CRACD: variants seen among roughly 807,000 people sequenced by gnomAD.
CRACD encodes the protein capping protein inhibiting regulator of actin dynamics, also known as capping protein-inhibiting regulator of actin dynamics.
CRACD carries 56 observed loss-of-function variants against 106.8 expected under a neutral mutation model. That is an observed-to-expected ratio of 0.52 (90% CI 0.42 to 0.66). The LOEUF is 0.66. Among genes scored for constraint, CRACD ranks in the 30% least tolerant of loss-of-function variants. The probability of loss-of-function intolerance (pLI) is 0.00; values close to 1 mark genes in which losing one functional copy is unlikely to be tolerated. For missense variants in CRACD, 1,730 were observed against 1,623.2 expected (o/e 1.07, Z -1.13); for synonymous variants, 754 against 670.8 (o/e 1.12, Z -1.92).
At chr4:56,116,193 A>C (rs894094735) in intron 1 of CRACD, among the ~76,000 whole-genome samples, 1 of 152,174 alleles carries the variant, frequency 6.6e-6, no homozygotes, top group African/African-American at 2.4e-5. Flanking sequence ...TGTGAGTGAC[A>C]TGACTCCTGC....
chr4:56,294,769 C>G (rs780038493), intron 3 of CRACD, among the ~76,000 whole-genome samples: 1 of 151,722 alleles, frequency 6.6e-6, no homozygotes, highest in South Asian at 2.1e-4. Flanking sequence ...CAAAAATTAA[C>G]CAGGCGTGGT....
chr4:56,112,614 T>C (rs1734155825), intron 1 of CRACD, among the ~76,000 whole-genome samples: 1 of 152,104 alleles, frequency 6.6e-6, no homozygotes, highest in African/African-American at 2.4e-5. Flanking sequence ...CTGTCTGAGG[T>C]CCACTGCCAG....
At chr4:56,077,735 T>TA (rs1428091180) in intron 1 of CRACD, among the ~76,000 whole-genome samples, 14 of 152,196 alleles carry the variant, frequency 9.2e-5, no homozygotes, top group African/African-American at 3.1e-4. Context: ...GCCTTGGGGA[T>TA]ATAAAGGTGA....
At chr4:56,176,656 C>T (rs890842640) in intron 1 of CRACD, among the ~76,000 whole-genome samples, 125 of 152,104 alleles carry the variant, frequency 8.2e-4, no homozygotes, top group African/African-American at 2.6e-3. Context: ...AGGATGGTCT[C>T]GATCTCCTGA....
chr4:56,300,445 C>T (rs1399132326), intron 4 of CRACD, among the ~76,000 whole-genome samples: 1 of 152,222 alleles, frequency 6.6e-6, no homozygotes, highest in East Asian at 1.9e-4. Flanking sequence ...TGGCCGTGCT[C>T]TAACACTTTT....
intron 1 of CRACD, among the ~76,000 whole-genome samples, chr4:56,060,860 A>C (rs1251127531): frequency 6.6e-6 from 1 of 152,208 alleles, no homozygotes; most frequent in African/African-American, 2.4e-5. Flanking sequence ...GGACACAGCA[A>C]GAAGACACCA....
Position 56,329,321 on chromosome 4 carries a change from T to C in CRACD, c.*1517T>C, listed in dbSNP as rs1455762192. Among the ~76,000 whole-genome samples the C allele has an allele frequency of 6.6e-6, 1 of 152,190 alleles. No homozygotes were observed. Among genetic ancestry groups the C allele is most frequent in the Non-Finnish European group, 1.5e-5 (1 of 68,028 alleles). ...GCAGAGGGAATTACATCCTTTTTCC[T>C]CTCCTACAAAAACATGCTTTATTAA... On this transcript the variant is annotated 3_prime_UTR_variant, in exon 11 of 11. Transcript: ENST00000682029.
intron 1 of CRACD, among the ~76,000 whole-genome samples, chr4:56,064,191 G>A (rs928514393): frequency 6.6e-6 from 1 of 152,154 alleles, no homozygotes; most frequent in Non-Finnish European, 1.5e-5. Flanking sequence ...TTTGAATGGG[G>A]TTGTTTATTT....
chr4:56,126,951 A>G (rs1489315372), intron 1 of CRACD, among the ~76,000 whole-genome samples: 5 of 152,166 alleles, frequency 3.3e-5, no homozygotes, highest in African/African-American at 4.8e-5. Flanking sequence ...CTCTCCTGCT[A>G]TGCTTTGAAT....
intron 1 of CRACD, among the ~76,000 whole-genome samples, chr4:56,134,713 A>G (rs1478279413): frequency 6.6e-6 from 1 of 152,208 alleles, no homozygotes; most frequent in Non-Finnish European, 1.5e-5. Flanking sequence ...AAAGCCAGGA[A>G]TTTGGGGAGA....
intron 3 of CRACD, among the ~76,000 whole-genome samples, chr4:56,282,474 T>G (rs1743090124): frequency 6.6e-6 from 1 of 152,208 alleles, no homozygotes; most frequent in African/African-American, 2.4e-5. Flanking sequence ...GCTAGAAAGC[T>G]GTATCAGGTA....
chr4:56,314,044 C>A lies in CRACD; in HGVS notation c.542C>A (p.Pro181Gln). The A allele has an allele frequency of 6.2e-7, 1 of 1,612,144 alleles. No individual in the cohort carries two copies. Among genetic ancestry groups the A allele is most frequent in the South Asian group, 1.1e-5 (1 of 90,984 alleles). ...SKKHRRLAQD[P>Q]QHEQGGLESR... ...TGTTTTCCTTTCCAATGTTAGGATC[C>A]ACAACATGAGCAAGGCGGCCTTGAG... The change falls in exon 8 of 11, where the codon CCA (proline) becomes CAA (glutamine). Residue 181 changes from proline (P) to glutamine (Q), a missense_variant. By Grantham distance (76) the Pro-to-Gln change is moderately conservative (BLOSUM62 -1). Around this residue, in one of 5 missense-constraint regions of CRACD, gnomAD observed 1,620 missense variants for 1,481.6 expected, o/e 1.09. Coordinates refer to ENST00000682029, the MANE Select transcript of CRACD (RefSeq NM_001393381.1). This position sits in a 1 kb window ranked among gnomAD's most constrained non-coding sequence, Gnocchi z 4.4.
intron 2 of CRACD, among the ~76,000 whole-genome samples, chr4:56,222,134 C>T (rs1228647287): frequency 3.3e-5 from 5 of 152,150 alleles, no homozygotes; most frequent in Admixed American, 3.3e-4. Context: ...GATATGGAGC[C>T]AATCTGAGTT....
chr4:56,083,035 G>GGCAAGCA (rs1733091675), intron 1 of CRACD, among the ~76,000 whole-genome samples: 1 of 151,910 alleles, frequency 6.6e-6, no homozygotes, highest in South Asian at 2.1e-4. Context: ...AGAGAGAAGG[G>GGCAAGCA]GCAAGCACAC....
intron 2 of CRACD, among the ~76,000 whole-genome samples, chr4:56,257,133 G>C (rs1318988329): frequency 6.9e-6 from 1 of 145,596 alleles, no homozygotes; most frequent in Non-Finnish European, 1.5e-5. Flanking sequence ...CCAGTCTGGA[G>C]TGCAGTGGTG....
At chr4:56,060,449 G>C (rs1006513213) in intron 1 of CRACD, among the ~76,000 whole-genome samples, 6 of 152,094 alleles carry the variant, frequency 3.9e-5, no homozygotes, top group East Asian at 1.9e-4. Context: ...TATCTGAGCT[G>C]GGTCTTGGAG....
intron 1 of CRACD, among the ~76,000 whole-genome samples, chr4:56,089,417 T>A (rs1733340784): frequency 6.6e-6 from 1 of 152,216 alleles, no homozygotes; most frequent in South Asian, 2.1e-4. Context: ...ACTGTTAAGT[T>A]GCCGCCTACG....
At chr4:56,230,549 C>T (rs999182840) in intron 2 of CRACD, among the ~76,000 whole-genome samples, 1 of 152,090 alleles carries the variant, frequency 6.6e-6, no homozygotes, top group Non-Finnish European at 1.5e-5. Flanking sequence ...GCCTCATAGC[C>T]TTGCTTTAGC....
At chr4:56,051,319 T>C (rs1231131321) in intron 1 of CRACD, among the ~76,000 whole-genome samples, 2 of 152,238 alleles carry the variant, frequency 1.3e-5, no homozygotes, top group East Asian at 3.9e-4. Context: ...TGTGTAGAGG[T>C]TTTCCACATA....
Sources: gnomAD v4.1 joint callset for allele counts (sites outside exome capture counted in the v4.1 genomes callset) on GRCh38, gnomAD v4.1.1 for gene constraint, gnomAD v4.1.1 regional missense constraint, Gnocchi (gnomAD v3.1) non-coding constraint, MANE v1.5 for transcripts, NCBI Gene and HGNC (gene_info 2026-07-23, HGNC 2026-07-21) for gene names.